The following TNKS2 variants were observed in gnomAD, a reference collection of about 807,000 sequenced individuals.
TNKS2 encodes poly [ADP-ribose] polymerase tankyrase-2.
A neutral mutation model predicts 137.6 loss-of-function variants in TNKS2; 72 were observed. That is an observed-to-expected ratio of 0.52 (90% CI 0.43 to 0.64). The LOEUF is 0.64. Ranked by LOEUF, TNKS2 falls within the 30% of genes least tolerant of loss-of-function variation. The probability of loss-of-function intolerance (pLI) is 0.00; values close to 1 mark genes in which losing one functional copy is unlikely to be tolerated. For missense variants in TNKS2, 1,049 were observed against 1,410.2 expected, an observed-to-expected ratio of 0.74 and a Z score of 4.10; for synonymous variants, 516 against 512.1, an observed-to-expected ratio of 1.01 and a Z score of -0.10.
rs550331276 is a variant in TNKS2 at position 91,862,908 on chromosome 10, C to T, written c.3439-29C>T. On this transcript the variant is annotated intron_variant, in intron 26 of 26. Coordinates refer to ENST00000371627, the MANE Select transcript of TNKS2 (RefSeq NM_025235.4). Reference sequence around the variant, plus strand: ...TTATCTTTCAAGAAAATTTTTGTACCATTATTTGAATTTATCTTTCTCTTC... The same window carrying T: ...TTATCTTTCAAGAAAATTTTTGTACTATTATTTGAATTTATCTTTCTCTTC... 8 of 1,534,118 alleles carry T rather than the reference C, an allele frequency of 5.2e-6. No homozygotes were observed. The East Asian group carries it at 6.8e-5, about 13-fold the overall frequency.
intron 1 of TNKS2, among the ~76,000 whole-genome samples, chr10:91,807,872 T>A (rs1844378891): frequency 6.6e-6 from 1 of 151,920 alleles, no homozygotes; most frequent in Admixed American, 6.6e-5. Flanking sequence ...GGCGGGCACC[T>A]GTAGCCCCAG....
chr10:91,857,761 G>A (rs1210548576), intron 24 of TNKS2, among the ~76,000 whole-genome samples: 1 of 152,086 alleles, frequency 6.6e-6, no homozygotes, highest in African/African-American at 2.4e-5. Context: ...TGAGAGTGTT[G>A]ACTATCTTTT....
intron 1 of TNKS2, among the ~76,000 whole-genome samples, chr10:91,809,186 T>A (rs1394320248): frequency 6.6e-6 from 1 of 152,170 alleles, no homozygotes; most frequent in African/African-American, 2.4e-5. Context: ...TATTAGCAGA[T>A]GTTTGCTTGC....
At chr10:91,824,880 T>C (rs1329708654) in intron 7 of TNKS2, among the ~76,000 whole-genome samples, 1 of 152,196 alleles carries the variant, frequency 6.6e-6, no homozygotes, top group Non-Finnish European at 1.5e-5. Flanking sequence ...TGTTTACTTC[T>C]TGTTTAAACA....
intron 21 of TNKS2, among the ~76,000 whole-genome samples, chr10:91,854,012 GAATA>G (rs201006677): frequency 0.01 from 1,536 of 152,222 alleles, 15 homozygotes; most frequent in African/African-American, 0.035. Context: ...GCTTTTATAA[GAATA>G]AAGATAGAAA....
chr10:91,811,260 C>T (rs554611478), intron 1 of TNKS2, among the ~76,000 whole-genome samples: 36 of 151,632 alleles, frequency 2.4e-4, no homozygotes, highest in African/African-American at 7.5e-4. Flanking sequence ...TGTCTGTGTA[C>T]GTTTTGTTTC....
intron 6 of TNKS2, among the ~76,000 whole-genome samples, chr10:91,820,949 C>G (rs968288393): frequency 6.6e-6 from 1 of 152,172 alleles, no homozygotes; most frequent in Admixed American, 6.5e-5. Context: ...GATACACATA[C>G]GAAATACAGG....
intron 13 of TNKS2, among the ~76,000 whole-genome samples, chr10:91,840,344 AAAT>A (rs1842172029): frequency 3.3e-5 from 5 of 152,332 alleles, no homozygotes; most frequent in Admixed American, 3.3e-4. Context: ...TGTCTCAAAA[AAAT>A]AATAAGACAA....
intron 7 of TNKS2, among the ~76,000 whole-genome samples, chr10:91,825,702 T>C (rs1845044988): frequency 6.6e-6 from 1 of 152,180 alleles, no homozygotes; most frequent in Admixed American, 6.5e-5. Flanking sequence ...TAGAAGGAAA[T>C]TTGTGTTTGA....
intron 1 of TNKS2, among the ~76,000 whole-genome samples, chr10:91,811,405 C>A (rs1347696048): frequency 6.6e-6 from 1 of 151,982 alleles, no homozygotes; most frequent in Admixed American, 6.6e-5. Flanking sequence ...TTAGGTAAGT[C>A]TTTTCCGTTC....
At chr10:91,813,396 A>C (rs1228663066) in intron 2 of TNKS2, among the ~76,000 whole-genome samples, 189 bp downstream of exon 2, 3 of 152,186 alleles carry the variant, frequency 2.0e-5, no homozygotes, top group African/African-American at 7.2e-5. Flanking sequence ...ATTTCTTTGG[A>C]GAATGGACTA....
chr10:91,846,032 G>A, intron 18 of TNKS2, 92 bp downstream of exon 18: 1 of 1,171,332 alleles, frequency 8.5e-7, no homozygotes, highest in Non-Finnish European at 1.1e-6. Context: ...TAGTCAATGT[G>A]AATGGCAAAA....
At chr10:91,843,819 A>G (rs1398731225) in intron 16 of TNKS2, among the ~76,000 whole-genome samples, 1 of 152,230 alleles carries the variant, frequency 6.6e-6, no homozygotes, top group African/African-American at 2.4e-5. Flanking sequence ...GGAGATGGAA[A>G]TGTATGATGT....
At chr10:91,837,100 CCT>C in intron 13 of TNKS2, 102 bp downstream of exon 13, 1 of 1,157,644 alleles carries the variant, frequency 8.6e-7, no homozygotes. Flanking sequence ...TTTGTATGGG[CCT>C]TGCCTTAAAA....
intron 1 of TNKS2, among the ~76,000 whole-genome samples, chr10:91,810,915 C>CTTTTTTTTTT (rs1564604368): frequency 2.1e-4 from 16 of 76,710 alleles, no homozygotes; most frequent in East Asian, 1.9e-3. Context: ...TCTCTCTTTT[C>CTTTTTTTTTT]TTTTCTTTTT....
intron 16 of TNKS2, among the ~76,000 whole-genome samples, chr10:91,843,524 A>G (rs1842276478): frequency 3.3e-5 from 5 of 152,282 alleles, no homozygotes; most frequent in African/African-American, 7.2e-5. Flanking sequence ...GCAGGGTACA[A>G]TTCATTTCGT....
intron 1 of TNKS2, among the ~76,000 whole-genome samples, chr10:91,802,656 C>A (rs768911074): frequency 1.3e-5 from 2 of 152,240 alleles, no homozygotes; most frequent in Non-Finnish European, 2.9e-5. Flanking sequence ...GATTGCCATT[C>A]ATATCTTTTC....
intron 24 of TNKS2, among the ~76,000 whole-genome samples, chr10:91,858,854 C>T (rs1564631594): frequency 6.6e-6 from 1 of 152,092 alleles, no homozygotes. Flanking sequence ...ACTAAAAATA[C>T]AAAAGTTAGC....
chr10:91,848,330 A>G (rs770137426), intron 18 of TNKS2, 53 bp from the exon 19 acceptor site: 6 of 1,570,504 alleles, frequency 3.8e-6, no homozygotes, highest in Non-Finnish European at 5.2e-6. Flanking sequence ...ATTAGGTATA[A>G]TAGCATTTTA....
Sources: gnomAD v4.1 joint callset for allele counts (sites outside exome capture counted in the v4.1 genomes callset) on GRCh38, gnomAD v4.1.1 for gene constraint, MANE v1.5 for transcripts, NCBI Gene and HGNC (gene_info 2026-07-23, HGNC 2026-07-21) for gene names.